The following LRRTM4 variants were observed in gnomAD, a reference collection of about 807,000 sequenced individuals.
The protein encoded by LRRTM4 is leucine rich repeat transmembrane neuronal 4.
LRRTM4 carries 25 observed loss-of-function variants against 47.6 expected under a neutral mutation model. That is an observed-to-expected ratio of 0.53 (90% CI 0.38 to 0.73). LRRTM4 has a LOEUF of 0.73. Ranked by LOEUF, LRRTM4 falls within the 30% of genes least tolerant of loss-of-function variation. LRRTM4 has a pLI of 0.00. For synonymous variants in LRRTM4, 311 were observed against 269.5 expected, an observed-to-expected ratio of 1.15 and a Z score of -1.51; for missense variants, 638 against 713.4, an observed-to-expected ratio of 0.89 and a Z score of 1.20.
At chr2:76,817,555 A>G (rs1041234012) in intron 3 of LRRTM4, among the ~76,000 whole-genome samples, 1 of 151,940 alleles carries the variant, frequency 6.6e-6, no homozygotes, top group East Asian at 1.9e-4. Flanking sequence ...TAGGAAACTT[A>G]TTCAAGGTCA....
intron 3 of LRRTM4, among the ~76,000 whole-genome samples, chr2:77,217,812 T>A (rs1042131298): frequency 1.3e-5 from 2 of 152,162 alleles, no homozygotes; most frequent in Non-Finnish European, 1.5e-5. Flanking sequence ...TTGATTGTAC[T>A]GAGAGCATGG....
At chr2:77,091,085 A>C (rs538222541) in intron 3 of LRRTM4, among the ~76,000 whole-genome samples, 1 of 151,850 alleles carries the variant, frequency 6.6e-6, no homozygotes, top group Non-Finnish European at 1.5e-5. Context: ...CAATACTCTT[A>C]TAAGCACTCC....
At chr2:77,283,783 G>T (rs1169380506) in intron 3 of LRRTM4, among the ~76,000 whole-genome samples, 1 of 151,944 alleles carries the variant, frequency 6.6e-6, no homozygotes, top group Non-Finnish European at 1.5e-5. Context: ...AGATACTCAT[G>T]GACTTAACTT....
At chr2:77,239,127 A>G (rs1211174489) in intron 3 of LRRTM4, among the ~76,000 whole-genome samples, 1 of 151,916 alleles carries the variant, frequency 6.6e-6, no homozygotes, top group Non-Finnish European at 1.5e-5. Flanking sequence ...ACTTGTAATC[A>G]CTCTAAATGT....
chr2:77,083,758 ACTT>A (rs1680607097), intron 3 of LRRTM4, among the ~76,000 whole-genome samples: 1 of 134,318 alleles, frequency 7.4e-6, no homozygotes, highest in Non-Finnish European at 1.6e-5. Flanking sequence ...TAGTAACAAA[ACTT>A]CTCAATTTTT....
intron 3 of LRRTM4, among the ~76,000 whole-genome samples, chr2:76,749,773 T>C (rs1023216560): frequency 3.3e-5 from 5 of 152,326 alleles, no homozygotes; most frequent in Middle Eastern, 3.4e-3. Flanking sequence ...AAGATAAATA[T>C]ATTCCAAATT....
At position 77,082,383 on chromosome 2, in the gene LRRTM4, T is replaced by C. The variant is rs910017953; in HGVS notation, c.1552-333467A>G. Among the ~76,000 whole-genome samples the C allele has an allele frequency of 2.6e-5, 4 of 152,260 alleles. No individual in the cohort carries two copies. The South Asian group carries it at 8.3e-4, about 32-fold the overall frequency. On this transcript the variant is annotated intron_variant, in intron 3 of 3. Transcript: ENST00000409884. ...CCAAAATTCAAATACCTTACTATTA[T>C]GCTGTATTTTGTTCTTTTCATAAGT...
rs797010446 is a variant in LRRTM4, at chr2:76,968,383, T to TATACACAC, written c.1552-219468_1552-219467insGTGTGTAT. On this transcript the variant is annotated intron_variant, in intron 3 of 3. Transcript: ENST00000409884. ...ATATATATATATATATATATATATA[T>TATACACAC]ACACATACATACATACATATATATG... 3.4e-3 allele frequency among the ~76,000 whole-genome samples: 375 copies of TATACACAC among 111,300 alleles called. 2 individuals are homozygous for TATACACAC. Among genetic ancestry groups the TATACACAC allele is most frequent in the East Asian group, 8.4e-3 (25 of 2,994 alleles). 73.0% of individuals were successfully genotyped at this position (111,300 alleles called of 152,430 possible).
chr2:77,171,923 G>A (rs908977788), intron 3 of LRRTM4, among the ~76,000 whole-genome samples: 1 of 152,112 alleles, frequency 6.6e-6, no homozygotes, highest in Admixed American at 6.5e-5. Context: ...TGTAAGGGTT[G>A]TACAATTCAG....
At chr2:77,352,326 T>C (rs1357230516) in intron 3 of LRRTM4, among the ~76,000 whole-genome samples, 1 of 152,160 alleles carries the variant, frequency 6.6e-6, no homozygotes, top group Non-Finnish European at 1.5e-5. Context: ...GAAAATTTGT[T>C]AGTTTCCTAC....
intron 3 of LRRTM4, among the ~76,000 whole-genome samples, chr2:77,107,491 A>G (rs1671122319): frequency 1.3e-5 from 2 of 152,196 alleles, no homozygotes; most frequent in South Asian, 4.1e-4. Context: ...GCAATAGCCT[A>G]TTCTGTGACC....
chr2:77,445,111 G>A (rs771834302), intron 3 of LRRTM4, among the ~76,000 whole-genome samples: 12 of 152,036 alleles, frequency 7.9e-5, no homozygotes, highest in Non-Finnish European at 1.3e-4. Context: ...TAAGGCAATT[G>A]TGTATGATTA....
intron 3 of LRRTM4, among the ~76,000 whole-genome samples, chr2:76,853,399 A>T (rs1308075839): frequency 1.3e-5 from 2 of 151,990 alleles, no homozygotes; most frequent in Admixed American, 1.3e-4. Context: ...CAAGATCTAA[A>T]TTGTTGAGAG....
intron 3 of LRRTM4, among the ~76,000 whole-genome samples, chr2:76,779,669 T>G (rs1264425445): frequency 1.3e-5 from 2 of 151,780 alleles, no homozygotes; most frequent in African/African-American, 4.8e-5. Flanking sequence ...GCACGTGAGA[T>G]GGGTTTCCTG....
At chr2:77,195,765 A>G (rs1167568967) in intron 3 of LRRTM4, among the ~76,000 whole-genome samples, 1 of 152,198 alleles carries the variant, frequency 6.6e-6, no homozygotes, top group Non-Finnish European at 1.5e-5. Context: ...CTAGGGTAGG[A>G]GTATGACCAC....
At chr2:77,048,066 A>G (rs1001440044) in intron 3 of LRRTM4, among the ~76,000 whole-genome samples, 20 of 151,922 alleles carry the variant, frequency 1.3e-4, no homozygotes, top group African/African-American at 4.1e-4. Flanking sequence ...ATCTCATCTT[A>G]TATTTCTCTG....
At chr2:76,798,220 T>C (rs939963413) in intron 3 of LRRTM4, among the ~76,000 whole-genome samples, 28 of 151,676 alleles carry the variant, frequency 1.8e-4, no homozygotes, top group African/African-American at 6.5e-4. Context: ...CCTCAGAAAA[T>C]GTAAAAGAGC....
intron 3 of LRRTM4, among the ~76,000 whole-genome samples, chr2:77,322,215 G>C (rs1171015157): frequency 6.6e-6 from 1 of 152,098 alleles, no homozygotes; most frequent in East Asian, 1.9e-4. Context: ...AGATTTTTCT[G>C]ATGGTTTGGG....
chr2:77,472,390 G>T (rs1472255282), intron 3 of LRRTM4, among the ~76,000 whole-genome samples: 4 of 152,120 alleles, frequency 2.6e-5, no homozygotes, highest in African/African-American at 9.7e-5. Flanking sequence ...CAAAAATGTT[G>T]TTACCAGAGG....
Sources: allele counts gnomAD v4.1 joint callset (sites outside exome capture counted in the v4.1 genomes callset), GRCh38; gene constraint gnomAD v4.1.1; transcripts MANE v1.5; gene names NCBI Gene and HGNC (gene_info 2026-07-23, HGNC 2026-07-21).